Variants in REV3L observed in about 807,000 individuals in gnomAD.
The protein encoded by REV3L is REV3 like, DNA directed polymerase zeta catalytic subunit.
Under a neutral mutation model 299.4 loss-of-function variants are expected in REV3L, and 69 were observed. The observed-to-expected ratio is 0.23, with a 90% CI of 0.19 to 0.28. The LOEUF (loss-of-function observed/expected upper bound fraction) is 0.28. REV3L is among the 10% of genes least tolerant of loss of function. The probability of loss-of-function intolerance (pLI) is 1.00; values close to 1 mark genes in which losing one functional copy is unlikely to be tolerated. For missense variants in REV3L, 3,128 were observed against 3,693.8 expected (o/e 0.85, Z 3.97); for synonymous variants, 1,238 against 1,271.4 (o/e 0.97, Z 0.56).
Position 111,379,990 on chromosome 6 carries a change from G to A in REV3L, c.1446C>T (p.Ala482=). 6.3e-7 allele frequency: 1 copy of A among 1,599,032 alleles called. No homozygotes were observed. Among genetic ancestry groups the A allele is most frequent in the South Asian group, 1.1e-5 (1 of 89,116 alleles). Residue 482 remains alanine, a synonymous_variant, in exon 11 of 32, where the codon GCC becomes GCT. Transcript: ENST00000368802. The part of the protein sequence containing the change: ...RWDSNIEEHC[A]KKRSLCRNTH... ...AATAACTAAAAAATTACCTCTTTTT[G>A]GCACAATGTTCTTCAATATTGCTGT... is the stretch of plus-strand genomic sequence containing the variant.
intron 25 of REV3L, 39 bp downstream of exon 25, chr6:111,329,493 T>C: frequency 1.9e-6 from 3 of 1,594,112 alleles, no homozygotes; most frequent in Non-Finnish European, 2.6e-6. Context: ...CACTGTATTT[T>C]AGTCTCTTTT....
chr6:111,325,038 T>C (rs1774618577), intron 25 of REV3L, among the ~76,000 whole-genome samples: 1 of 152,172 alleles, frequency 6.6e-6, no homozygotes, highest in African/African-American at 2.4e-5. Flanking sequence ...ATTTTTTGTA[T>C]TTTTAGTAAA....
In REV3L at chr6:111,365,251, T is replaced by G; in HGVS notation, c.6753+14A>C. The stretch of plus-strand genomic sequence containing the variant: ...GCTCTTCCACTGATCTTTAAAAATG[T>G]TTAGTATAGTTACCTTTGCTTGTGT... On this transcript the variant is annotated intron_variant, in intron 15 of 31. Transcript: ENST00000368802. 6 of 1,391,568 alleles carry G rather than the reference T, an allele frequency of 4.3e-6. No homozygotes were observed. Among genetic ancestry groups the G allele is most frequent in the Non-Finnish European group, 5.9e-6 (6 of 1,019,120 alleles). 86.2% of individuals were successfully genotyped at this position (1,391,568 alleles called of 1,614,324 possible). A position where few individuals can be genotyped will look rare whatever the true frequency, so the allele number is the denominator to read the frequency against.
At chr6:111,447,034 G>A (rs1370038486) in intron 1 of REV3L, among the ~76,000 whole-genome samples, 1 of 151,966 alleles carries the variant, frequency 6.6e-6, no homozygotes, top group African/African-American at 2.4e-5. Flanking sequence ...AGACTCAGAT[G>A]GTATTTCCTG....
At chr6:111,439,500 G>C (rs1582998655) in intron 1 of REV3L, among the ~76,000 whole-genome samples, 1 of 152,160 alleles carries the variant, frequency 6.6e-6, no homozygotes, top group African/African-American at 2.4e-5. Flanking sequence ...ACTCAACATA[G>C]AGCATTCTAC....
rs906984889 is a variant in REV3L, at chr6:111,303,701, C to T, written c.9253-3545G>A. Among the ~76,000 whole-genome samples the T allele has an allele frequency of 5.0e-3, 63 of 12,638 alleles. 17 individuals are homozygous for T. The highest frequency in any genetic ancestry group is 0.014 in the South Asian group (2 of 140). The allele number at this position is 12,638 out of a possible 152,430, so 8.3% of individuals were successfully genotyped here. A position where few individuals can be genotyped will look rare whatever the true frequency, so the allele number is the denominator to read the frequency against. ...TTTTTTTTTTTTTAACAGACTATGA[C>T]TTTTTTTTTTTTTTTTTTTTTTTTT... On this transcript the variant is annotated intron_variant, in intron 31 of 31. Coordinates refer to ENST00000368802, the MANE Select transcript of REV3L (RefSeq NM_001372078.1).
intron 21 of REV3L, among the ~76,000 whole-genome samples, chr6:111,339,955 C>A (rs1776320715): frequency 6.6e-6 from 1 of 152,048 alleles, no homozygotes; most frequent in Non-Finnish European, 1.5e-5. Flanking sequence ...GTAATAAATA[C>A]AAGTTTTGAT....
intron 30 of REV3L, 64 bp downstream of exon 30, chr6:111,309,789 C>T (rs1772758739): frequency 3.2e-6 from 5 of 1,550,688 alleles, no homozygotes; most frequent in South Asian, 1.3e-5. Context: ...ACCTTTAGTT[C>T]TACTGAAAAT....
chr6:111,346,989 G>GGCCT (rs1777094794), intron 20 of REV3L, among the ~76,000 whole-genome samples: 1 of 152,126 alleles, frequency 6.6e-6, no homozygotes, highest in Non-Finnish European at 1.5e-5. Flanking sequence ...TATATAATGA[G>GGCCT]GCCTGGGCTG....
Position 111,425,790 on chromosome 6 carries a change from T to C in REV3L, c.140-9318A>G, listed in dbSNP as rs532332045. Among the ~76,000 whole-genome samples, 199 of 151,846 alleles carry C rather than the reference T, an allele frequency of 1.3e-3. 1 individual carries two copies. Among genetic ancestry groups the C allele is most frequent in the African/African-American group, 4.6e-3 (191 of 41,366 alleles). ...ACTAAAAGAAACATGTCAAGAGAGTTAAAGGAGAGTATGAGACCAACATCT... is the reference window on the plus strand; with the variant it reads ...ACTAAAAGAAACATGTCAAGAGAGTCAAAGGAGAGTATGAGACCAACATCT... On this transcript the variant is annotated intron_variant, in intron 1 of 31. Coordinates refer to ENST00000368802, the MANE Select transcript of REV3L (RefSeq NM_001372078.1).
At chr6:111,308,287 T>C (rs1042058957) in intron 30 of REV3L, 14 of 453,686 alleles carry the variant, frequency 3.1e-5, no homozygotes, top group Non-Finnish European at 5.3e-5. Context: ...ACAAATGTCA[T>C]TGGGTTAACA....
intron 2 of REV3L, 80 bp downstream of exon 2, chr6:111,416,203 G>C: frequency 1.0e-6 from 1 of 973,050 alleles, no homozygotes; most frequent in South Asian, 2.7e-5. Flanking sequence ...AAGAAATAGA[G>C]TTTATCAACT....
intron 30 of REV3L, chr6:111,307,790 A>G (rs1772492043): frequency 7.5e-6 from 4 of 536,056 alleles, no homozygotes; most frequent in East Asian, 3.1e-5. Flanking sequence ...TAATATTATC[A>G]GATACATTTT....
At chr6:111,343,758 G>C (rs1235985583) in intron 21 of REV3L, among the ~76,000 whole-genome samples, 167 bp downstream of exon 21, 1 of 152,178 alleles carries the variant, frequency 6.6e-6, no homozygotes, top group Non-Finnish European at 1.5e-5. Flanking sequence ...TCGAACTCCT[G>C]ATGTCAGGTG....
intron 1 of REV3L, among the ~76,000 whole-genome samples, chr6:111,456,422 C>A (rs1197810071): frequency 6.6e-6 from 1 of 152,178 alleles, no homozygotes; most frequent in Non-Finnish European, 1.5e-5. Context: ...TATATAAATA[C>A]TGAGGCTTTC....
intron 1 of REV3L, chr6:111,431,700 G>A: frequency 2.1e-6 from 2 of 959,820 alleles, no homozygotes; most frequent in Admixed American, 3.6e-5. Flanking sequence ...CCCCCGTCAT[G>A]GAAAACAACT....
intron 21 of REV3L, among the ~76,000 whole-genome samples, chr6:111,343,536 T>C (rs1582606423): frequency 6.6e-6 from 1 of 152,226 alleles, no homozygotes; most frequent in East Asian, 1.9e-4. Context: ...TTTATTTATT[T>C]ATATATTTTT....
intron 26 of REV3L, among the ~76,000 whole-genome samples, chr6:111,317,157 C>G (rs934695367): frequency 2.0e-5 from 3 of 152,034 alleles, no homozygotes; most frequent in Non-Finnish European, 4.4e-5. Flanking sequence ...ATAAACCAAT[C>G]TCATATTTCT....
intron 14 of REV3L, 40 bp from the exon 15 acceptor site, chr6:111,365,384 T>G: frequency 1.7e-6 from 2 of 1,200,916 alleles, no homozygotes. Context: ...TATATCAAAA[T>G]TACCTGCTTC....
Sources: allele counts gnomAD v4.1 joint callset (sites outside exome capture counted in the v4.1 genomes callset), GRCh38; gene constraint gnomAD v4.1.1; transcripts MANE v1.5; gene names NCBI Gene and HGNC (gene_info 2026-07-23, HGNC 2026-07-21).